Variants in CLVS1 observed in about 807,000 individuals in gnomAD.
CLVS1 encodes the protein clavesin 1, also known as clavesin-1.
A neutral mutation model predicts 33.1 loss-of-function variants in CLVS1; 10 were observed. That is an observed-to-expected ratio of 0.30 (90% CI 0.19 to 0.51). The LOEUF is 0.51. CLVS1 is among the 20% of genes least tolerant of loss of function. The probability of loss-of-function intolerance (pLI) is 0.97; values close to 1 mark genes in which losing one functional copy is unlikely to be tolerated. For synonymous variants in CLVS1, 163 were observed against 166.1 expected (o/e 0.98, Z 0.14); for missense variants, 343 against 433.4 (o/e 0.79, Z 1.85).
At chr8:61,020,298 G>A in the CLVS1 span, among the ~76,000 whole-genome samples, 2 of 152,144 alleles carry the variant, frequency 1.3e-5, no homozygotes, top group Non-Finnish European at 2.9e-5. Context: ...TCCCTTTTTG[G>A]AAACATTTCA....
intron 2 of CLVS1, among the ~76,000 whole-genome samples, chr8:61,173,469 G>A (rs1807049208): frequency 6.6e-6 from 1 of 152,110 alleles, no homozygotes; most frequent in Non-Finnish European, 1.5e-5. Flanking sequence ...CAGACTTTTG[G>A]ATGTAGGCAT....
At chr8:61,085,681 A>G (rs1211519892) in intron 1 of CLVS1, among the ~76,000 whole-genome samples, 2 of 150,900 alleles carry the variant, frequency 1.3e-5, no homozygotes, top group East Asian at 3.9e-4. Flanking sequence ...ACTTGAGGTC[A>G]GGAATTCGAG....
At chr8:61,326,602 A>C (rs1811394051) in intron 2 of CLVS1, among the ~76,000 whole-genome samples, 1 of 152,154 alleles carries the variant, frequency 6.6e-6, no homozygotes, top group African/African-American at 2.4e-5. Flanking sequence ...TCTGGGTAGG[A>C]GGTGCAGCAT....
chr8:61,259,795 C>T (rs780986355), intron 2 of CLVS1, among the ~76,000 whole-genome samples: 6 of 152,200 alleles, frequency 3.9e-5, no homozygotes, highest in East Asian at 1.9e-4. Flanking sequence ...AGAGCAGACG[C>T]GGAGCAGGAT....
intron 3 of CLVS1, among the ~76,000 whole-genome samples, chr8:61,406,996 A>G (rs562452301): frequency 6.6e-6 from 1 of 152,352 alleles, no homozygotes; most frequent in Admixed American, 6.5e-5. Context: ...TACTAGGTAT[A>G]TTGAACTTCA....
chr8:61,300,996 C>T (rs1267000016), intron 2 of CLVS1: 1 of 152,218 alleles, frequency 6.6e-6, no homozygotes, highest in Non-Finnish European at 1.5e-5. Flanking sequence ...TTTAGGTTCT[C>T]ATCATTTCTT....
rs1554581951 is a variant in CLVS1, at chr8:61,500,121, C to CTTAT, written c.*582_*585dup. On this transcript the variant is annotated 3_prime_UTR_variant, in exon 6 of 6. Coordinates refer to ENST00000325897, the MANE Select transcript of CLVS1 (RefSeq NM_173519.3). ...TAGGTCTGGGTATTTGCAAAGTTTG[C>CTTAT]TTATTTTGATGATATCCTGCAAAAA... The CTTAT allele has an allele frequency of 6.6e-6, 1 of 152,628 alleles. No homozygotes were observed. The highest frequency in any genetic ancestry group is 1.9e-4 in the East Asian group (1 of 5,194). 9.5% of individuals were successfully genotyped at this position (152,628 alleles called of 1,614,324 possible).
rs1811608825 is a variant in CLVS1, at chr8:61,331,821, TCTTCC to T, written c.455+31540_455+31544del. On this transcript the variant is annotated intron_variant, in intron 2 of 5. Transcript: ENST00000325897. ...CTTCTTCTTCTCCTCCTCCTCCTCC[TCTTCC>T]TCCTCCTCCTCCTCCTCCTCCTCCT... Among the ~76,000 whole-genome samples the T allele has an allele frequency of 2.7e-5, 4 of 148,082 alleles. No individual in the cohort carries two copies. The South Asian group carries it at 6.4e-4, about 24-fold the overall frequency.
chr8:61,454,455 G>A (rs1254226527), intron 4 of CLVS1, among the ~76,000 whole-genome samples: 1 of 152,086 alleles, frequency 6.6e-6, no homozygotes, highest in Admixed American at 6.5e-5. Context: ...GTAGAACTGG[G>A]TTATTTTCGG....
intron 5 of CLVS1, among the ~76,000 whole-genome samples, chr8:61,478,940 C>T (rs1214637034): frequency 1.3e-5 from 2 of 152,198 alleles, no homozygotes; most frequent in South Asian, 2.1e-4. Flanking sequence ...TAGTTTCTGC[C>T]AAGAGATCCG....
intron 3 of CLVS1, among the ~76,000 whole-genome samples, chr8:61,398,535 A>T (rs1563535685): frequency 6.6e-6 from 1 of 151,698 alleles, no homozygotes; most frequent in Admixed American, 6.6e-5. Flanking sequence ...ATTGTTTTTG[A>T]TTTTTTATTT....
intron 1 of CLVS1, among the ~76,000 whole-genome samples, chr8:61,088,808 C>CT (rs557957060): frequency 0.062 from 8,801 of 141,656 alleles, 917 homozygotes; most frequent in African/African-American, 0.21. Flanking sequence ...TTTTCTTTTT[C>CT]TTTTTTTTTT....
chr8:61,386,937 C>G (rs994847521), intron 3 of CLVS1, among the ~76,000 whole-genome samples: 1 of 152,204 alleles, frequency 6.6e-6, no homozygotes, highest in South Asian at 2.1e-4. Flanking sequence ...TTGAAACAAT[C>G]AAACATCAAT....
At chr8:61,012,714 G>A in the CLVS1 span, among the ~76,000 whole-genome samples, 7 of 152,252 alleles carry the variant, frequency 4.6e-5, no homozygotes, top group South Asian at 2.1e-4. Flanking sequence ...GTGCTCCCCC[G>A]CTCTTTCCAT....
intron 1 of CLVS1, among the ~76,000 whole-genome samples, chr8:61,293,991 T>C (rs1341399007): frequency 2.0e-5 from 3 of 152,186 alleles, no homozygotes; most frequent in Non-Finnish European, 2.9e-5. Flanking sequence ...TCAGCAGTTA[T>C]TGATGTTCTT....
chr8:61,116,880 T>G (rs1486948017), intron 1 of CLVS1, among the ~76,000 whole-genome samples: 2 of 144,456 alleles, frequency 1.4e-5, no homozygotes, highest in African/African-American at 5.3e-5. Flanking sequence ...ATATGAACTT[T>G]AAAGTAGTTT....
intron 3 of CLVS1, among the ~76,000 whole-genome samples, chr8:61,428,455 A>C (rs1425610505): frequency 1.3e-5 from 2 of 152,206 alleles, no homozygotes; most frequent in Non-Finnish European, 2.9e-5. Context: ...CTAAGTAAGA[A>C]AGGATGATGG....
intron 2 of CLVS1, among the ~76,000 whole-genome samples, chr8:61,191,323 C>G (rs1316240022): frequency 6.6e-6 from 1 of 152,188 alleles, no homozygotes; most frequent in Non-Finnish European, 1.5e-5. Context: ...CAAAATTCAA[C>G]AGCGCTTCAT....
intron 3 of CLVS1, among the ~76,000 whole-genome samples, chr8:61,430,545 C>T (rs1816071177): frequency 6.6e-6 from 1 of 152,150 alleles, no homozygotes; most frequent in South Asian, 2.1e-4. Flanking sequence ...GCAATATTTT[C>T]TGCACGTGTG....
Sources: allele counts gnomAD v4.1 joint callset (sites outside exome capture counted in the v4.1 genomes callset), GRCh38; gene constraint gnomAD v4.1.1; transcripts MANE v1.5; gene names NCBI Gene and HGNC (gene_info 2026-07-23, HGNC 2026-07-21).